The following PAK5 variants were observed in gnomAD, a reference collection of about 807,000 sequenced individuals.
The protein encoded by PAK5 is serine/threonine-protein kinase PAK 5.
In PAK5, 16 loss-of-function variants were observed where a neutral mutation model predicts 65.9. The observed-to-expected ratio is 0.24, with a 90% confidence interval of 0.16 to 0.37. PAK5 has a LOEUF of 0.37. Among genes scored for constraint, PAK5 ranks in the 10% least tolerant of loss-of-function variants. PAK5 has a pLI of 1.00. For missense variants in PAK5, 785 were observed against 903.9 expected (o/e 0.87, Z 1.69); for synonymous variants, 371 against 354.9 (o/e 1.05, Z -0.51).
intron 1 of PAK5, among the ~76,000 whole-genome samples, chr20:9,717,223 T>C (rs1053011387): frequency 1.3e-5 from 2 of 152,258 alleles, no homozygotes; most frequent in African/African-American, 4.8e-5. Context: ...AGAATTTGCA[T>C]TTCCAACCTT....
At chr20:9,836,633 C>G (rs911991412) in intron 1 of PAK5, among the ~76,000 whole-genome samples, 2 of 152,108 alleles carry the variant, frequency 1.3e-5, no homozygotes, top group African/African-American at 4.8e-5. Context: ...TGGTTTTAAG[C>G]CACCCAGTTT....
intron 4 of PAK5, among the ~76,000 whole-genome samples, chr20:9,570,803 A>ATATTATT (rs2045768236): frequency 6.6e-6 from 1 of 152,234 alleles, no homozygotes; most frequent in Non-Finnish European, 1.5e-5. Context: ...TAAAAATGGG[A>ATATTATT]AAGCTGCATC....
intron 2 of PAK5, among the ~76,000 whole-genome samples, chr20:9,689,101 G>A (rs550212140): frequency 1.6e-3 from 245 of 152,218 alleles, no homozygotes; most frequent in Non-Finnish European, 2.1e-3. Flanking sequence ...AGCCCTTATT[G>A]CCTTTGTTTG....
intron 2 of PAK5, among the ~76,000 whole-genome samples, chr20:9,656,783 G>A (rs138204019): frequency 7.9e-4 from 121 of 152,278 alleles, no homozygotes; most frequent in Non-Finnish European, 9.3e-4. Context: ...GGCATGGAAT[G>A]AGCATTCCAT....
chr20:9,563,111 CTGAT>C (rs1419919145), intron 5 of PAK5, 87 bp from the exon 6 acceptor site: 12 of 1,190,636 alleles, frequency 1.0e-5, no homozygotes, highest in Non-Finnish European at 1.4e-5. Flanking sequence ...TGTAAGTAAA[CTGAT>C]TGAGAGGTAC....
chr20:9,625,541 A>T (rs1303453746), intron 3 of PAK5, among the ~76,000 whole-genome samples: 1 of 152,204 alleles, frequency 6.6e-6, no homozygotes, highest in Non-Finnish European at 1.5e-5. Context: ...TGAATTTCAC[A>T]ATGATTTTTA....
intron 4 of PAK5, among the ~76,000 whole-genome samples, chr20:9,571,373 G>C (rs1208187049): frequency 6.6e-6 from 1 of 152,138 alleles, no homozygotes; most frequent in Non-Finnish European, 1.5e-5. Context: ...AATCAAGCAG[G>C]GGGCAACTGA....
At chr20:9,747,299 A>T (rs1174275399) in intron 1 of PAK5, among the ~76,000 whole-genome samples, 2 of 152,188 alleles carry the variant, frequency 1.3e-5, no homozygotes, top group Non-Finnish European at 2.9e-5. Context: ...TATTCCAGTC[A>T]ATAGAAAAAG....
intron 3 of PAK5, among the ~76,000 whole-genome samples, chr20:9,638,803 A>C (rs1427194267): frequency 6.6e-6 from 1 of 152,202 alleles, no homozygotes; most frequent in Non-Finnish European, 1.5e-5. Context: ...TAACTAATCA[A>C]GGAAGAGTGT....
At chr20:9,646,998 A>G (rs933785471) in intron 2 of PAK5, among the ~76,000 whole-genome samples, 2 of 152,204 alleles carry the variant, frequency 1.3e-5, no homozygotes, top group Non-Finnish European at 2.9e-5. Flanking sequence ...GGACACAAAT[A>G]AATGTTTTTT....
chr20:9,790,455 C>T (rs1333609505), intron 1 of PAK5, among the ~76,000 whole-genome samples: 2 of 152,012 alleles, frequency 1.3e-5, no homozygotes, highest in Non-Finnish European at 1.5e-5. Context: ...GGGGACATTA[C>T]ACAAAGGTAG....
intron 1 of PAK5, among the ~76,000 whole-genome samples, chr20:9,768,369 G>T (rs2048793654): frequency 6.6e-6 from 1 of 152,034 alleles, no homozygotes. Context: ...GGAGGAGGCT[G>T]TGGGTTGAAA....
chr20:9,559,024 A>T (rs922335079), intron 6 of PAK5, among the ~76,000 whole-genome samples: 19 of 152,106 alleles, frequency 1.2e-4, no homozygotes, highest in African/African-American at 4.1e-4. Context: ...ATTTTCCCAC[A>T]CTGCCCTCAC....
chr20:9,622,898 C>T (rs1321655174), intron 3 of PAK5, among the ~76,000 whole-genome samples: 1 of 152,128 alleles, frequency 6.6e-6, no homozygotes, highest in Admixed American at 6.5e-5. Flanking sequence ...CAGTCTGTAT[C>T]TCTCTCTCTG....
intron 2 of PAK5, among the ~76,000 whole-genome samples, chr20:9,687,787 TC>T (rs1452118377): frequency 6.6e-6 from 1 of 152,144 alleles, no homozygotes; most frequent in Non-Finnish European, 1.5e-5. Context: ...GGAATCTTTG[TC>T]CCCATGAGCA....
At chr20:9,724,084 G>C (rs774623818) in intron 1 of PAK5, among the ~76,000 whole-genome samples, 5 of 152,112 alleles carry the variant, frequency 3.3e-5, no homozygotes, top group Non-Finnish European at 7.4e-5. Flanking sequence ...CAGAAAATTT[G>C]TAACAGAAAC....
At chr20:9,799,314 C>T (rs532867839) in intron 1 of PAK5, among the ~76,000 whole-genome samples, 31 of 152,182 alleles carry the variant, frequency 2.0e-4, no homozygotes, top group African/African-American at 6.3e-4. Context: ...AGGTGACAAT[C>T]GTATCTTTGG....
chr20:9,557,881 T>C, intron 6 of PAK5, 147 bp from the exon 7 acceptor site: 1 of 533,552 alleles, frequency 1.9e-6, no homozygotes, highest in Non-Finnish European at 3.2e-6. Flanking sequence ...GAAGGAAGTC[T>C]TTGGGATCTG....
intron 1 of PAK5, among the ~76,000 whole-genome samples, chr20:9,802,984 G>T (rs969724143): frequency 2.3e-5 from 3 of 128,132 alleles, no homozygotes; most frequent in Admixed American, 8.5e-5. Flanking sequence ...GAAAAAAAAA[G>T]CTCCAAACCA....
Sources: gnomAD v4.1 joint callset for allele counts (sites outside exome capture counted in the v4.1 genomes callset) on GRCh38, gnomAD v4.1.1 for gene constraint, MANE v1.5 for transcripts, NCBI Gene and HGNC (gene_info 2026-07-23, HGNC 2026-07-21) for gene names.